Variants in ZBTB20 observed in about 807,000 individuals in gnomAD.
ZBTB20 encodes the protein zinc finger and BTB domain containing 20.
In ZBTB20, 9 loss-of-function variants were observed where a neutral mutation model predicts 56.9. That is an observed-to-expected ratio of 0.16 (90% CI 0.10 to 0.28). ZBTB20 has a LOEUF of 0.28. Among genes scored for constraint, ZBTB20 ranks in the 10% least tolerant of loss-of-function variants. The pLI is 1.00. For missense variants in ZBTB20, 655 were observed against 1,003.0 expected (o/e 0.65, Z 4.69); for synonymous variants, 417 against 420.7 (o/e 0.99, Z 0.11).
At chr3:114,444,876 G>T (rs565813447) in intron 7 of ZBTB20, among the ~76,000 whole-genome samples, 1 of 151,900 alleles carries the variant, frequency 6.6e-6, no homozygotes, top group South Asian at 2.1e-4. Context: ...AGTTTTTCTC[G>T]TAAATTTTGT....
chr3:115,100,630 T>A (rs544386553), intron 1 of ZBTB20: 1 of 152,232 alleles, frequency 6.6e-6, no homozygotes, highest in Admixed American at 6.5e-5. Flanking sequence ...AAATAAACAG[T>A]TTAAGAGCAG....
At chr3:114,549,781 TAA>T (rs1423220406) in intron 6 of ZBTB20, among the ~76,000 whole-genome samples, 56 of 151,576 alleles carry the variant, frequency 3.7e-4, no homozygotes, top group Middle Eastern at 3.4e-3. Flanking sequence ...CTGATGCTGT[TAA>T]TAGAGTTTTG....
chr3:114,860,742 A>C (rs602015), intron 4 of ZBTB20, among the ~76,000 whole-genome samples: 13,418 of 152,216 alleles, frequency 0.088, 1,712 homozygotes, highest in African/African-American at 0.28. Flanking sequence ...GTGTGCTTTA[A>C]CTGTCTTGTG....
At chr3:114,566,416 C>G (rs895496583) in intron 6 of ZBTB20, among the ~76,000 whole-genome samples, 2 of 152,116 alleles carry the variant, frequency 1.3e-5, no homozygotes, top group Non-Finnish European at 2.9e-5. Flanking sequence ...TTATTCCCCC[C>G]AGTTGGGCAG....
intron 2 of ZBTB20, among the ~76,000 whole-genome samples, chr3:115,050,892 T>C (rs945758139): frequency 6.6e-6 from 1 of 151,976 alleles, no homozygotes; most frequent in Non-Finnish European, 1.5e-5. Context: ...TTAGAAACAA[T>C]AGAAAAACAA....
intron 5 of ZBTB20, among the ~76,000 whole-genome samples, chr3:114,769,584 T>C (rs925055238): frequency 4.8e-5 from 3 of 63,080 alleles, no homozygotes; most frequent in Non-Finnish European, 1.2e-4. Flanking sequence ...TATATATATA[T>C]ATATATATAT....
At chr3:115,040,352 T>C (rs2081091362) in intron 2 of ZBTB20, among the ~76,000 whole-genome samples, 1 of 152,128 alleles carries the variant, frequency 6.6e-6, no homozygotes, top group Non-Finnish European at 1.5e-5. Context: ...TAAGATCTTA[T>C]TCTAGAAGCC....
At chr3:114,420,759 C>A (rs191519843) in intron 7 of ZBTB20, among the ~76,000 whole-genome samples, 2 of 152,222 alleles carry the variant, frequency 1.3e-5, no homozygotes, top group Admixed American at 6.5e-5. Flanking sequence ...TAGAAGATTA[C>A]AAATAAGACC....
intron 3 of ZBTB20, among the ~76,000 whole-genome samples, chr3:114,920,075 T>C (rs1328145809): frequency 1.3e-5 from 2 of 152,020 alleles, no homozygotes; most frequent in Admixed American, 6.6e-5. Flanking sequence ...TAAGAGGATA[T>C]AAAAAATTGC....
At chr3:114,996,669 C>T (rs1576520578) in intron 2 of ZBTB20, among the ~76,000 whole-genome samples, 3 of 151,836 alleles carry the variant, frequency 2.0e-5, no homozygotes, top group Admixed American at 1.3e-4. Context: ...AATAAACATA[C>T]GTGTATTTTT....
At chr3:114,565,396 C>T (rs185326150) in intron 6 of ZBTB20, among the ~76,000 whole-genome samples, 43 of 152,304 alleles carry the variant, frequency 2.8e-4, no homozygotes, top group Admixed American at 5.2e-4. Flanking sequence ...GCGTCTGGCA[C>T]CTTGCCCCGA....
At chr3:114,792,801 C>T (rs1421757608) in intron 5 of ZBTB20, among the ~76,000 whole-genome samples, 3 of 152,054 alleles carry the variant, frequency 2.0e-5, no homozygotes, top group African/African-American at 7.2e-5. Context: ...AAATGTATTC[C>T]TCACTGGTCT....
intron 2 of ZBTB20, among the ~76,000 whole-genome samples, chr3:115,002,929 T>C (rs1182030061): frequency 1.3e-5 from 2 of 151,634 alleles, no homozygotes; most frequent in African/African-American, 2.4e-5. Flanking sequence ...AGTAGGTGAA[T>C]GCATGAACAA....
At chr3:114,732,246 G>A (rs370474405) in intron 5 of ZBTB20, among the ~76,000 whole-genome samples, 14 of 152,194 alleles carry the variant, frequency 9.2e-5, no homozygotes, top group African/African-American at 3.1e-4. Flanking sequence ...CTCAAACATG[G>A]ATGGTAGTAA....
At chr3:114,962,493 A>G (rs2077492202) in intron 3 of ZBTB20, among the ~76,000 whole-genome samples, 1 of 152,058 alleles carries the variant, frequency 6.6e-6, no homozygotes, top group Non-Finnish European at 1.5e-5. Flanking sequence ...ATAAGTTTGT[A>G]TTGTCATTAT....
At chr3:114,771,754 C>G (rs1402126436) in intron 5 of ZBTB20, among the ~76,000 whole-genome samples, 2 of 152,196 alleles carry the variant, frequency 1.3e-5, no homozygotes, top group African/African-American at 2.4e-5. Flanking sequence ...CTTATCCCCT[C>G]TTTGTCCACG....
At chr3:114,407,992 T>G (rs2087506819) in intron 7 of ZBTB20, among the ~76,000 whole-genome samples, 1 of 152,172 alleles carries the variant, frequency 6.6e-6, no homozygotes, top group Non-Finnish European at 1.5e-5. Context: ...TTGAAGTTAG[T>G]GCTGAAGAAA....
At chr3:114,417,711 T>C (rs1387262733) in intron 7 of ZBTB20, among the ~76,000 whole-genome samples, 1 of 152,016 alleles carries the variant, frequency 6.6e-6, no homozygotes, top group Non-Finnish European at 1.5e-5. Flanking sequence ...ATGAATATAC[T>C]CAATAGAGCA....
chr3:114,434,558 T>TTGTGTGTG (rs71146320), intron 7 of ZBTB20, among the ~76,000 whole-genome samples: 1,494 of 146,010 alleles, frequency 0.01, 13 homozygotes, highest in Middle Eastern at 0.024. Flanking sequence ...GTGTGTGTGT[T>TTGTGTGTG]TGTGTGTGTG....
Sources: allele counts gnomAD v4.1 joint callset (sites outside exome capture counted in the v4.1 genomes callset), GRCh38; gene constraint gnomAD v4.1.1; transcripts MANE v1.5; gene names NCBI Gene and HGNC (gene_info 2026-07-23, HGNC 2026-07-21).